The following ZNF721 variants were observed in gnomAD, a reference collection of about 807,000 sequenced individuals.
ZNF721 encodes zinc finger protein 721.
Under a neutral mutation model 2.4 loss-of-function variants are expected in ZNF721, and 2 were observed. The ratio of observed to expected loss-of-function variants is 0.82; its 90% CI spans 0.34 to 2.58. The LOEUF is 2.58. Among genes scored for constraint, ZNF721 ranks in the 30% most tolerant of loss-of-function variants. The probability of loss-of-function intolerance (pLI) is 0.11; values close to 1 mark genes in which losing one functional copy is unlikely to be tolerated. For synonymous variants in ZNF721, 398 were observed against 381.8 expected (o/e 1.04, Z -0.50); for missense variants, 1,187 against 1,085.5 (o/e 1.09, Z -1.31).
At chr4:461,647 T>C (rs1209137467) in intron 2 of ZNF721, among the ~76,000 whole-genome samples, 1 of 151,722 alleles carries the variant, frequency 6.6e-6, no homozygotes, top group African/African-American at 2.4e-5. Flanking sequence ...CTGAGGTGGG[T>C]GGATCACTTG....
intron 1 of ZNF721, among the ~76,000 whole-genome samples, chr4:494,662 A>G (rs1241252817): frequency 6.6e-6 from 1 of 152,198 alleles, no homozygotes; most frequent in Non-Finnish European, 1.5e-5. Flanking sequence ...CATAAGGTAT[A>G]GAGAGAAAAA....
intron 1 of ZNF721, among the ~76,000 whole-genome samples, chr4:482,358 T>C (rs879951972): frequency 1.2e-4 from 19 of 152,018 alleles, no homozygotes; most frequent in Non-Finnish European, 4.4e-5. Flanking sequence ...AGAGAGGAGG[T>C]TTCTCCATGT....
chr4:451,419 T>C (rs1314665689), intron 2 of ZNF721, among the ~76,000 whole-genome samples: 1 of 152,176 alleles, frequency 6.6e-6, no homozygotes, highest in East Asian at 1.9e-4. Flanking sequence ...TGATGGGACC[T>C]CGTGCCAAAC....
chr4:490,562 A>C (rs539086586), intron 1 of ZNF721, among the ~76,000 whole-genome samples: 2 of 152,382 alleles, frequency 1.3e-5, no homozygotes, highest in East Asian at 3.9e-4. Flanking sequence ...GGCTAATAAA[A>C]AATGGAAAAT....
intron 2 of ZNF721, among the ~76,000 whole-genome samples, chr4:454,869 C>T (rs1481143176): frequency 1.3e-5 from 2 of 152,192 alleles, no homozygotes; most frequent in African/African-American, 4.8e-5. Context: ...AAACAATAGA[C>T]AATTGCAAAA....
intron 1 of ZNF721, among the ~76,000 whole-genome samples, chr4:498,243 A>T (rs1298261588): frequency 2.7e-5 from 4 of 148,520 alleles, no homozygotes; most frequent in African/African-American, 1.0e-4. Context: ...AAAAAAAAGA[A>T]GGACATTGGT....
In ZNF721 at chr4:443,220, G is replaced by GGT. The variant is rs782179009; in HGVS notation, c.1245_1246dup (p.Pro416HisfsTer18). On this transcript the variant is annotated frameshift_variant, in exon 3 of 3. Coordinates refer to ENST00000511833, the MANE Select transcript of ZNF721 (RefSeq NM_133474.4). LOFTEE classifies it low-confidence loss of function (END_TRUNC). ...TCTGCCACGATCTTCACATGTGTAGGGTTTCTCTCTGGTGTGAATTCTCTT... is the reference window on the plus strand; with the variant it reads ...TCTGCCACGATCTTCACATGTGTAGGGTGTTTCTCTCTGGTGTGAATTCTCTT... 1 of 1,613,860 alleles carries GGT rather than the reference G, an allele frequency of 6.2e-7. No individual in the cohort carries two copies. The highest frequency in any genetic ancestry group is 1.1e-5 in the South Asian group (1 of 91,060).
intron 1 of ZNF721, among the ~76,000 whole-genome samples, chr4:485,742 G>A (rs545055972): frequency 4.3e-4 from 65 of 152,246 alleles, no homozygotes; most frequent in Non-Finnish European, 6.2e-4. Flanking sequence ...TTGGGAGGCC[G>A]AGGCGGGCGG....
chr4:459,613 G>A (rs1246568458), intron 2 of ZNF721, among the ~76,000 whole-genome samples: 2 of 152,096 alleles, frequency 1.3e-5, no homozygotes, highest in Non-Finnish European at 1.5e-5. Context: ...GACAGATCAC[G>A]AGGTCAGGAG....
Position 468,340 on chromosome 4 carries a change from G to C in ZNF721, c.34+4235C>G, listed in dbSNP as rs1553867063. ...AGCTAGTTGGGAGGCTGAGGCAGGA[G>C]AATCGCTTGAACCTGGGAGGCGGAG... On this transcript the variant is annotated intron_variant, in intron 2 of 2. Transcript: ENST00000511833. Among the ~76,000 whole-genome samples the C allele has an allele frequency of 5.3e-5, 8 of 151,818 alleles. No homozygotes were observed. The South Asian group carries it at 1.0e-3, about 20-fold the overall frequency.
Position 443,839 on chromosome 4 carries a change from C to A in ZNF721, c.628G>T (p.Glu210Ter), listed in dbSNP as rs200542139. 4 of 1,613,712 alleles carry A rather than the reference C, an allele frequency of 2.5e-6. No individual in the cohort carries two copies. Among genetic ancestry groups the A allele is most frequent in the East Asian group, 2.2e-5 (1 of 44,878 alleles). The change falls in exon 3 of 3, where the codon GAA (glutamate) becomes TAA (stop). Residue 210 changes from glutamate (E) to a stop codon, truncating the protein, a stop_gained. Coordinates refer to ENST00000511833, the MANE Select transcript of ZNF721 (RefSeq NM_133474.4). LOFTEE classifies it low-confidence loss of function (END_TRUNC). ...RAFGWSTNLNEYKKIHTGDKP... is the reference protein window; with the variant it reads ...RAFGWSTNLN ...TCTCCAGTATGAATTTTCTTATATT[C>A]ATTCAGGTTTGTGGACCATCCAAAG... is the stretch of plus-strand genomic sequence containing the variant.
chr4:478,596 C>T (rs1242066730), intron 1 of ZNF721, among the ~76,000 whole-genome samples: 3 of 152,126 alleles, frequency 2.0e-5, no homozygotes, highest in Non-Finnish European at 2.9e-5. Context: ...ATTGCATGTA[C>T]ATTCCATTTT....
In ZNF721 at chr4:476,529, TCTG is replaced by T. The variant is rs542131359; in HGVS notation, c.-93-3831_-93-3829del. 1.6e-4 allele frequency among the ~76,000 whole-genome samples: 25 copies of T among 152,338 alleles called. No individual in the cohort carries two copies. In the East Asian group the frequency reaches 4.8e-3, roughly 29 times the overall value. ...TTTCCATTGTCCCAGGTGATGCTTC[TCTG>T]CTATTACCCTTATTTACCACACCAT... On this transcript the variant is annotated intron_variant, in intron 1 of 2. Transcript: ENST00000511833.
chr4:484,212 A>C (rs1715836910), intron 1 of ZNF721, among the ~76,000 whole-genome samples: 1 of 152,110 alleles, frequency 6.6e-6, no homozygotes, highest in Non-Finnish European at 1.5e-5. Context: ...TCACTACCCC[A>C]ATCAATACCC....
At chr4:473,943 C>A in intron 1 of ZNF721, 3 of 1,503,272 alleles carry the variant, frequency 2.0e-6, no homozygotes, top group Non-Finnish European at 2.7e-6. Flanking sequence ...TCTGATGAGG[C>A]CTCCCCAGCC....
chr4:489,148 C>T (rs1270926571), intron 1 of ZNF721, among the ~76,000 whole-genome samples: 24 of 149,168 alleles, frequency 1.6e-4, no homozygotes, highest in African/African-American at 5.6e-4. Context: ...CCCTTTCCAC[C>T]CGCCGTGGGT....
At position 470,133 on chromosome 4, in the gene ZNF721, C is replaced by T. The variant is rs143164599; in HGVS notation, c.34+2442G>A. Among the ~76,000 whole-genome samples, 411 of 152,294 alleles carry T rather than the reference C, an allele frequency of 2.7e-3. 1 individual carries two copies. Among genetic ancestry groups the T allele is most frequent in the African/African-American group, 9.2e-3 (384 of 41,572 alleles). On this transcript the variant is annotated intron_variant, in intron 2 of 2. Coordinates refer to ENST00000511833, the MANE Select transcript of ZNF721 (RefSeq NM_133474.4). Reference sequence around the variant, plus strand: ...TCCCGACCTCGTGATCCACCTGCCTCTGCCTCCCAAAGTGCTGGGATTACA... The same window carrying T: ...TCCCGACCTCGTGATCCACCTGCCTTTGCCTCCCAAAGTGCTGGGATTACA...
chr4:448,810 T>C (rs559177302), intron 2 of ZNF721, among the ~76,000 whole-genome samples: 2 of 152,168 alleles, frequency 1.3e-5, no homozygotes, highest in Non-Finnish European at 2.9e-5. Context: ...TTTTAGACAC[T>C]CATAATTACT....
At chr4:474,604 C>A (rs1715576545) in intron 1 of ZNF721, among the ~76,000 whole-genome samples, 1 of 152,124 alleles carries the variant, frequency 6.6e-6, no homozygotes. Flanking sequence ...AGGCTGAGCA[C>A]GGTTGCTCAC....
Sources: gnomAD v4.1 joint callset for allele counts (sites outside exome capture counted in the v4.1 genomes callset) on GRCh38, gnomAD v4.1.1 for gene constraint, MANE v1.5 for transcripts, NCBI Gene and HGNC (gene_info 2026-07-23, HGNC 2026-07-21) for gene names.